Variants in HDAC9 observed in about 807,000 individuals in gnomAD.
The protein encoded by HDAC9 is histone deacetylase 9.
A neutral mutation model predicts 139.4 loss-of-function variants in HDAC9; 41 were observed. The ratio of observed to expected loss-of-function variants is 0.29; its 90% confidence interval spans 0.23 to 0.38. The LOEUF is 0.38. Ranked by LOEUF, HDAC9 falls within the 10% of genes least tolerant of loss-of-function variation. HDAC9 has a pLI of 1.00. For missense variants in HDAC9, 1,147 were observed against 1,297.0 expected, an observed-to-expected ratio of 0.88 and a Z score of 1.78; for synonymous variants, 517 against 476.2, an observed-to-expected ratio of 1.09 and a Z score of -1.12.
At chr7:18,937,030 A>ATTTTTTTTTTTTTTTTTT (rs768350029) in intron 23 of HDAC9, among the ~76,000 whole-genome samples, 1 of 96,700 alleles carries the variant, frequency 1.0e-5, no homozygotes. Flanking sequence ...GCTCTTGTTA[A>ATTTTTTTTTTTTTTTTTT]TTTTTTTTTT....
At chr7:18,978,431 T>C (rs781671218) in intron 25 of HDAC9, among the ~76,000 whole-genome samples, 15 of 152,180 alleles carry the variant, frequency 9.9e-5, no homozygotes, top group Non-Finnish European at 1.6e-4. Context: ...GATAGTCATT[T>C]CGTTTTTATA....
chr7:18,900,682 C>T (rs1801621718), intron 22 of HDAC9, among the ~76,000 whole-genome samples: 1 of 152,104 alleles, frequency 6.6e-6, no homozygotes, highest in South Asian at 2.1e-4. Context: ...CCTGAGGATT[C>T]AGAACTGCCC....
At chr7:18,692,123 A>C (rs769261012) in intron 12 of HDAC9, among the ~76,000 whole-genome samples, 1 of 152,156 alleles carries the variant, frequency 6.6e-6, no homozygotes, top group African/African-American at 2.4e-5. Flanking sequence ...TTAATGTGAT[A>C]GCTACAGATT....
intron 1 of HDAC9, among the ~76,000 whole-genome samples, chr7:18,159,562 T>A (rs1188875874): frequency 6.6e-6 from 1 of 152,124 alleles, no homozygotes; most frequent in Non-Finnish European, 1.5e-5. Flanking sequence ...TTTGTGGGTG[T>A]GAGGAGAGGG....
intron 2 of HDAC9, among the ~76,000 whole-genome samples, chr7:18,535,771 C>T (rs1441549553): frequency 7.5e-6 from 1 of 133,132 alleles, no homozygotes; most frequent in Admixed American, 7.6e-5. Flanking sequence ...ATTTCATAAC[C>T]AAGTACAACA....
chr7:18,867,976 A>G (rs1021689490), intron 21 of HDAC9, among the ~76,000 whole-genome samples: 17 of 151,926 alleles, frequency 1.1e-4, no homozygotes, highest in Non-Finnish European at 2.5e-4. Context: ...TTGTTCTTTG[A>G]TTGTTCTTTT....
chr7:18,946,653 A>G (rs747283210), intron 23 of HDAC9, among the ~76,000 whole-genome samples: 2 of 152,146 alleles, frequency 1.3e-5, no homozygotes, highest in Non-Finnish European at 1.5e-5. Context: ...ACAGCATGAA[A>G]ACATATTAAG....
intron 22 of HDAC9, among the ~76,000 whole-genome samples, chr7:18,920,419 T>C (rs1262232107): frequency 6.6e-6 from 1 of 152,150 alleles, no homozygotes; most frequent in East Asian, 1.9e-4. Context: ...TTTCTAGATA[T>C]ACAATCATGT....
chr7:18,713,382 A>T (rs886859492), intron 12 of HDAC9, among the ~76,000 whole-genome samples: 5 of 152,206 alleles, frequency 3.3e-5, no homozygotes, highest in African/African-American at 9.6e-5. Flanking sequence ...TCAAAAACCA[A>T]TTGTTAGAAG....
At chr7:18,784,720 T>C (rs997751146) in intron 16 of HDAC9, among the ~76,000 whole-genome samples, 4 of 152,088 alleles carry the variant, frequency 2.6e-5, no homozygotes, top group African/African-American at 9.7e-5. Context: ...GTTATACCCA[T>C]CTCTCAGCTG....
chr7:18,957,698 A>C (rs1033235141), intron 24 of HDAC9, among the ~76,000 whole-genome samples: 1 of 152,186 alleles, frequency 6.6e-6, no homozygotes, highest in Non-Finnish European at 1.5e-5. Context: ...TCGCAACTGC[A>C]CAGGTAACCC....
chr7:18,208,236 A>C (rs1791681018), intron 2 of HDAC9, among the ~76,000 whole-genome samples: 2 of 152,084 alleles, frequency 1.3e-5, no homozygotes, highest in South Asian at 4.2e-4. Context: ...ACCACCTTTC[A>C]CATTTTCTAT....
At chr7:18,744,012 G>GGTTTTTTTT (rs1787701197) in intron 13 of HDAC9, among the ~76,000 whole-genome samples, 1 of 110,448 alleles carries the variant, frequency 9.1e-6, no homozygotes, top group African/African-American at 3.5e-5. Flanking sequence ...TTTACTACTA[G>GGTTTTTTTT]TTTTTTTTTT....
chr7:18,718,886 C>T (rs1562879596), intron 12 of HDAC9, among the ~76,000 whole-genome samples: 1 of 152,190 alleles, frequency 6.6e-6, no homozygotes, highest in Non-Finnish European at 1.5e-5. Flanking sequence ...ACACCCCCAC[C>T]AGCAGTGTAT....
At chr7:18,856,755 A>G (rs1797711711) in intron 21 of HDAC9, among the ~76,000 whole-genome samples, 1 of 152,166 alleles carries the variant, frequency 6.6e-6, no homozygotes. Flanking sequence ...GCTTTCTATT[A>G]ACATTTTTTT....
At chr7:18,911,564 G>T (rs1297232077) in intron 22 of HDAC9, among the ~76,000 whole-genome samples, 2 of 150,518 alleles carry the variant, frequency 1.3e-5, no homozygotes, top group Non-Finnish European at 3.0e-5. Context: ...TTGGGGTTTG[G>T]TTTTTCTTGC....
chr7:18,474,043 A>G (rs1024617775), intron 1 of HDAC9, among the ~76,000 whole-genome samples: 1 of 152,190 alleles, frequency 6.6e-6, no homozygotes, highest in Non-Finnish European at 1.5e-5. Context: ...TCAAAGAAGA[A>G]ATGGAGGAAG....
At chr7:18,539,996 G>A (rs1041939077) in intron 2 of HDAC9, among the ~76,000 whole-genome samples, 2 of 151,042 alleles carry the variant, frequency 1.3e-5, no homozygotes, top group Admixed American at 1.3e-4. Flanking sequence ...GGTGGCTCAT[G>A]TCTGTAATCC....
intron 12 of HDAC9, chr7:18,667,140 T>C: frequency 1.0e-6 from 1 of 985,160 alleles, no homozygotes; most frequent in Non-Finnish European, 1.2e-6. Context: ...AGCACTACTT[T>C]AAATATTAGA....
Sources: allele counts gnomAD v4.1 joint callset (sites outside exome capture counted in the v4.1 genomes callset), GRCh38; gene constraint gnomAD v4.1.1; transcripts MANE v1.5; gene names NCBI Gene and HGNC (gene_info 2026-07-23, HGNC 2026-07-21).